SEMA6A: variants seen among roughly 807,000 people sequenced by gnomAD.
The protein encoded by SEMA6A is semaphorin-6A.
A neutral mutation model predicts 96.8 loss-of-function variants in SEMA6A; 25 were observed. That is an observed-to-expected ratio of 0.26 (90% confidence interval 0.19 to 0.36). The LOEUF (loss-of-function observed/expected upper bound fraction) is 0.36. Ranked by LOEUF, SEMA6A falls within the 10% of genes least tolerant of loss-of-function variation. The pLI, the probability that SEMA6A is intolerant of heterozygous loss-of-function variation, is 1.00. For synonymous variants in SEMA6A, 612 were observed against 518.0 expected (o/e 1.18, Z -2.46); for missense variants, 1,363 against 1,323.1 (o/e 1.03, Z -0.47).
chr5:116,566,950 C>G (rs577229541), intron 1 of SEMA6A, among the ~76,000 whole-genome samples: 1 of 152,134 alleles, frequency 6.6e-6, no homozygotes, highest in Admixed American at 6.5e-5. Context: ...AATCAGCAGC[C>G]GAGTTTCTCT....
At chr5:116,448,596 G>A (rs1056908513) in intron 18 of SEMA6A, among the ~76,000 whole-genome samples, 5 of 151,954 alleles carry the variant, frequency 3.3e-5, no homozygotes, top group African/African-American at 7.3e-5. Context: ...GATCTTTTCC[G>A]ACGGCCCCCT....
intron 6 of SEMA6A, among the ~76,000 whole-genome samples, chr5:116,494,512 C>T (rs1231596027): frequency 6.6e-6 from 1 of 152,186 alleles, no homozygotes; most frequent in African/African-American, 2.4e-5. Context: ...AGTTTGAAGA[C>T]ACGGGGTCAT....
intron 3 of SEMA6A, among the ~76,000 whole-genome samples, chr5:116,498,158 G>A (rs544351214): frequency 3.3e-5 from 5 of 152,068 alleles, no homozygotes; most frequent in Non-Finnish European, 5.9e-5. Context: ...TCTGGAATTT[G>A]TAAGAAAGAA....
At chr5:116,483,991 G>C (rs1177283437) in intron 10 of SEMA6A, among the ~76,000 whole-genome samples, 3 of 151,084 alleles carry the variant, frequency 2.0e-5, no homozygotes, top group African/African-American at 7.3e-5. Flanking sequence ...TTGAACCTGG[G>C]AAGTGGAGGT....
chr5:116,470,580 A>T (rs1262198088), intron 17 of SEMA6A, among the ~76,000 whole-genome samples: 1 of 152,230 alleles, frequency 6.6e-6, no homozygotes, highest in Non-Finnish European at 1.5e-5. Context: ...ACAATTAGAC[A>T]CAAAACAGAG....
intron 1 of SEMA6A, among the ~76,000 whole-genome samples, chr5:116,536,930 G>A (rs1759743123): frequency 2.1e-5 from 3 of 142,218 alleles, no homozygotes; most frequent in African/African-American, 5.2e-5. Flanking sequence ...TACAAAGGCA[G>A]CACTTTGCTG....
At chr5:116,496,898 G>T (rs1169458796) in intron 4 of SEMA6A, among the ~76,000 whole-genome samples, 1 of 152,168 alleles carries the variant, frequency 6.6e-6, no homozygotes, top group Non-Finnish European at 1.5e-5. Context: ...TATACTTTAT[G>T]TCTGTCTGAA....
At chr5:116,567,162 T>C (rs1761055320) in intron 1 of SEMA6A, among the ~76,000 whole-genome samples, 1 of 152,166 alleles carries the variant, frequency 6.6e-6, no homozygotes, top group Non-Finnish European at 1.5e-5. Context: ...ATTTTTTATA[T>C]ATAGTGGTTT....
chr5:116,532,397 T>A (rs1759523974), intron 1 of SEMA6A, among the ~76,000 whole-genome samples: 1 of 152,236 alleles, frequency 6.6e-6, no homozygotes, highest in African/African-American at 2.4e-5. Flanking sequence ...AAGAAATTTA[T>A]GTCAAAGTGG....
At chr5:116,478,402 G>C in intron 13 of SEMA6A, 140 bp downstream of exon 13, 2 of 933,580 alleles carry the variant, frequency 2.1e-6, no homozygotes, top group Non-Finnish European at 3.2e-6. Flanking sequence ...ATGCTTTTTA[G>C]GTGTTAAATT....
intron 1 of SEMA6A, among the ~76,000 whole-genome samples, chr5:116,527,148 C>T (rs893358556): frequency 2.0e-5 from 3 of 151,926 alleles, no homozygotes; most frequent in South Asian, 2.1e-4. Context: ...TGTCTACTCC[C>T]GACAATAAAG....
chr5:116,490,240 C>A (rs1757265759), intron 7 of SEMA6A, among the ~76,000 whole-genome samples: 1 of 151,980 alleles, frequency 6.6e-6, no homozygotes, highest in South Asian at 2.1e-4. Context: ...TAAATTGGCC[C>A]AAAAAATATC....
rs146692563 is a variant in SEMA6A, at chr5:116,447,835, G to C, written c.1895-24C>G. On this transcript the variant is annotated intron_variant, in intron 18 of 18. Coordinates refer to ENST00000343348, the MANE Select transcript of SEMA6A (RefSeq NM_020796.5). ...TCCTGCAATAGACATCGCATATGGC[G>C]TTAAGAAATGAAAGCACACCCCGAG... 2,706 of 1,529,038 alleles carry C rather than the reference G, an allele frequency of 1.8e-3. 2 individuals carry two copies. Among genetic ancestry groups the C allele is most frequent in the Non-Finnish European group, 2.2e-3 (2,506 of 1,133,218 alleles). The allele number at this position is 1,529,038 out of a possible 1,614,324, so 94.7% of individuals were successfully genotyped here.
chr5:116,466,015 G>A (rs1310949477), intron 18 of SEMA6A, among the ~76,000 whole-genome samples: 2 of 144,884 alleles, frequency 1.4e-5, no homozygotes, highest in Non-Finnish European at 1.5e-5. Flanking sequence ...GGAAAGAGCA[G>A]GGAATCCCTC....
rs927453502 is a variant in SEMA6A, at chr5:116,446,465, G to T, written c.*148C>A. The T allele has an allele frequency of 6.2e-6, 4 of 645,456 alleles. No homozygotes were observed. In the Admixed American group the frequency reaches 1.4e-4, roughly 23 times the overall value. The allele number at this position is 645,456 out of a possible 1,614,324, so 40.0% of individuals were successfully genotyped here. On this transcript the variant is annotated 3_prime_UTR_variant, in exon 19 of 19. Coordinates refer to ENST00000343348, the MANE Select transcript of SEMA6A (RefSeq NM_020796.5). The stretch of plus-strand genomic sequence containing the variant: ...CGGCCCAGTTTTCGTGAGTACCCCT[G>T]TGTCCCAGAGAGGAGGACCCAGCGT...
chr5:116,475,396 CTTTG>C lies in SEMA6A; in HGVS notation c.1708+145_1708+148del, dbSNP rs1488652569. 52 of 518,852 alleles carry C rather than the reference CTTTG, an allele frequency of 1.0e-4. 1 individual carries two copies. Among genetic ancestry groups the C allele is most frequent in the East Asian group, 9.5e-4 (30 of 31,634 alleles). 32.1% of individuals were successfully genotyped at this position (518,852 alleles called of 1,614,324 possible). On this transcript the variant is annotated intron_variant, in intron 16 of 18. Transcript: ENST00000343348. ...CACTGGCTTTAGAACGCACTGCTTT[CTTTG>C]TTTGGTATTTAGAAGATGATTTCCG...
intron 10 of SEMA6A, among the ~76,000 whole-genome samples, chr5:116,484,066 GAA>G (rs542325007): frequency 1.3e-3 from 133 of 99,906 alleles, no homozygotes; most frequent in East Asian, 3.7e-3. Flanking sequence ...TCTGTCTGAA[GAA>G]AAAAAAAAAA....
At chr5:116,562,812 G>A in intron 1 of SEMA6A, 1 of 717,538 alleles carries the variant, frequency 1.4e-6, no homozygotes, top group Non-Finnish European at 2.6e-6. Flanking sequence ...GCTCAGAGGT[G>A]CAAGGAACTG....
chr5:116,454,937 G>A (rs934102098), intron 18 of SEMA6A, among the ~76,000 whole-genome samples: 5 of 152,182 alleles, frequency 3.3e-5, no homozygotes, highest in African/African-American at 1.2e-4. Flanking sequence ...AGTGGAGGTA[G>A]CTTCCTGGCC....
Sources: allele counts gnomAD v4.1 joint callset (sites outside exome capture counted in the v4.1 genomes callset), GRCh38; gene constraint gnomAD v4.1.1; transcripts MANE v1.5; gene names NCBI Gene and HGNC (gene_info 2026-07-23, HGNC 2026-07-21).